B3GALT1: variants seen among roughly 807,000 people sequenced by gnomAD.
The protein encoded by B3GALT1 is beta-1,3-galactosyltransferase 1.
A neutral mutation model predicts 23.2 loss-of-function variants in B3GALT1; 10 were observed. The ratio of observed to expected loss-of-function variants is 0.43; its 90% confidence interval spans 0.27 to 0.73. B3GALT1 has a LOEUF of 0.73. Ranked by LOEUF, B3GALT1 falls within the 30% of genes least tolerant of loss-of-function variation. The pLI is 0.21. For missense variants in B3GALT1, 299 were observed against 405.4 expected (o/e 0.74, Z 2.25); for synonymous variants, 156 against 141.5 (o/e 1.10, Z -0.73).
In B3GALT1 at chr2:167,554,718, G is replaced by C. The variant is rs181754630; in HGVS notation, c.-410+64441G>C. ...TCCACAAAAGATTTTTTGCCTATTT[G>C]CCTGAAGATTATTTTAAGCCTATCC... On this transcript the variant is annotated intron_variant, in intron 2 of 4. Transcript: ENST00000392690. Among the ~76,000 whole-genome samples the C allele has an allele frequency of 5.3e-5, 8 of 152,122 alleles. No homozygotes were observed. In the East Asian group the frequency reaches 1.5e-3, roughly 29 times the overall value.
intron 2 of B3GALT1, among the ~76,000 whole-genome samples, chr2:167,580,689 T>TA (rs58130117): frequency 5.6e-4 from 85 of 151,706 alleles, no homozygotes; most frequent in Non-Finnish European, 9.1e-4. Flanking sequence ...TGCCAACTGA[T>TA]AAAAAAAAAT....
At chr2:167,703,984 T>A (rs12467475) in intron 3 of B3GALT1, among the ~76,000 whole-genome samples, 19,739 of 151,700 alleles carry the variant, frequency 0.13, 1,792 homozygotes, top group East Asian at 0.24. Context: ...GATCAAGACC[T>A]TCCTGGCTAA....
At chr2:167,857,338 T>C (rs1342950945) in intron 4 of B3GALT1, among the ~76,000 whole-genome samples, 4 of 151,558 alleles carry the variant, frequency 2.6e-5, no homozygotes, top group Non-Finnish European at 5.9e-5. Flanking sequence ...CTTCACAGAG[T>C]CTAAATGAGA....
chr2:167,621,067 C>A (rs952102287), intron 2 of B3GALT1, among the ~76,000 whole-genome samples: 1 of 147,732 alleles, frequency 6.8e-6, no homozygotes, highest in African/African-American at 2.5e-5. Flanking sequence ...TATGAAGTTC[C>A]CATCTTTTAT....
intron 3 of B3GALT1, among the ~76,000 whole-genome samples, chr2:167,663,602 C>G (rs1048621034): frequency 4.0e-5 from 6 of 150,306 alleles, no homozygotes; most frequent in African/African-American, 1.5e-4. Context: ...TCCTATTTCT[C>G]CACATCCTCT....
intron 2 of B3GALT1, among the ~76,000 whole-genome samples, chr2:167,633,118 A>T (rs561060223): frequency 1.7e-4 from 26 of 152,058 alleles, no homozygotes; most frequent in Middle Eastern, 6.8e-3. Context: ...AGTGTTCAGG[A>T]TATTATCCAG....
At chr2:167,314,667 T>C (rs1344153180) in intron 1 of B3GALT1, among the ~76,000 whole-genome samples, 2 of 152,146 alleles carry the variant, frequency 1.3e-5, no homozygotes, top group African/African-American at 4.8e-5. Context: ...ATAAGACACA[T>C]TTTATGTGGA....
intron 3 of B3GALT1, among the ~76,000 whole-genome samples, chr2:167,654,801 CTTT>C (rs5836154): frequency 2.8e-5 from 4 of 145,212 alleles, no homozygotes; most frequent in Non-Finnish European, 4.5e-5. Flanking sequence ...CAGCCTCTTT[CTTT>C]TTTTTTTTTT....
chr2:167,750,545 G>A (rs1687718636), intron 3 of B3GALT1, among the ~76,000 whole-genome samples: 1 of 151,990 alleles, frequency 6.6e-6, no homozygotes, highest in Non-Finnish European at 1.5e-5. Flanking sequence ...TTTGAAAATG[G>A]GTTTCATCCT....
intron 3 of B3GALT1, among the ~76,000 whole-genome samples, chr2:167,707,812 T>C (rs1283489537): frequency 6.6e-6 from 1 of 152,220 alleles, no homozygotes. Context: ...AGGGCCATTA[T>C]TCTGCTATCA....
chr2:167,580,037 A>T (rs995100024), intron 2 of B3GALT1, among the ~76,000 whole-genome samples: 2 of 152,168 alleles, frequency 1.3e-5, no homozygotes, highest in Non-Finnish European at 2.9e-5. Flanking sequence ...TTCTTGCATC[A>T]TCTTCACGAT....
intron 1 of B3GALT1, among the ~76,000 whole-genome samples, chr2:167,465,409 G>T (rs1056244538): frequency 1.1e-4 from 16 of 152,080 alleles, no homozygotes; most frequent in Non-Finnish European, 1.5e-5. Flanking sequence ...CACGGTTCTG[G>T]AGGCCGGAAA....
At chr2:167,378,807 A>G (rs1382002654) in intron 1 of B3GALT1, among the ~76,000 whole-genome samples, 1 of 152,024 alleles carries the variant, frequency 6.6e-6, no homozygotes. Context: ...TGAGTTCTTT[A>G]TCTGTCATTT....
At chr2:167,858,659 A>G (rs1280050881) in intron 4 of B3GALT1, among the ~76,000 whole-genome samples, 1 of 152,204 alleles carries the variant, frequency 6.6e-6, no homozygotes, top group Non-Finnish European at 1.5e-5. Flanking sequence ...CTCCAAGTCT[A>G]GAACTTGAAT....
chr2:167,325,381 G>A (rs1320464111), intron 1 of B3GALT1, among the ~76,000 whole-genome samples: 1 of 152,130 alleles, frequency 6.6e-6, no homozygotes, highest in Non-Finnish European at 1.5e-5. Context: ...ACTTGTGGAA[G>A]AAAGCAAAGC....
chr2:167,637,775 T>C (rs1685584688), intron 2 of B3GALT1, among the ~76,000 whole-genome samples: 1 of 151,940 alleles, frequency 6.6e-6, no homozygotes, highest in African/African-American at 2.4e-5. Context: ...TGGGCCTGGC[T>C]TATTTCAGTT....
intron 2 of B3GALT1, among the ~76,000 whole-genome samples, chr2:167,547,182 A>C (rs979197107): frequency 6.6e-6 from 1 of 152,050 alleles, no homozygotes; most frequent in Non-Finnish European, 1.5e-5. Flanking sequence ...CTACTACTAA[A>C]ACCTTCCACC....
At chr2:167,721,540 A>G (rs1453544641) in intron 3 of B3GALT1, among the ~76,000 whole-genome samples, 1 of 152,200 alleles carries the variant, frequency 6.6e-6, no homozygotes, top group African/African-American at 2.4e-5. Context: ...TGCACTGCCT[A>G]TGGGAACAAG....
At chr2:167,492,428 C>T (rs1370809545) in intron 2 of B3GALT1, among the ~76,000 whole-genome samples, 2 of 152,038 alleles carry the variant, frequency 1.3e-5, no homozygotes, top group Admixed American at 1.3e-4. Flanking sequence ...TTTTTTAAGT[C>T]ACTGTAAATA....
Sources: allele counts gnomAD v4.1 joint callset (sites outside exome capture counted in the v4.1 genomes callset), GRCh38; gene constraint gnomAD v4.1.1; transcripts MANE v1.5; gene names NCBI Gene and HGNC (gene_info 2026-07-23, HGNC 2026-07-21).